Variants in KCTD1 observed in about 807,000 individuals in gnomAD.
KCTD1 encodes BTB/POZ domain-containing protein KCTD1.
KCTD1 carries 24 observed loss-of-function variants against 66.0 expected under a neutral mutation model. The observed-to-expected ratio is 0.36, with a 90% CI of 0.26 to 0.51. The LOEUF (loss-of-function observed/expected upper bound fraction) is 0.51. Ranked by LOEUF, KCTD1 falls within the 20% of genes least tolerant of loss-of-function variation. The pLI is 0.95. For synonymous variants in KCTD1, 511 were observed against 517.2 expected (o/e 0.99, Z 0.16); for missense variants, 943 against 1,205.2 (o/e 0.78, Z 3.22).
At chr18:26,634,021 G>T (rs1360320965), upstream of KCTD1, among the ~76,000 whole-genome samples, 1 of 152,138 alleles carries the variant, frequency 6.6e-6, no homozygotes, top group Non-Finnish European at 1.5e-5. Flanking sequence ...CAACAGCATG[G>T]TTCAATCTCA....
chr18:26,517,823 A>G (rs1328794180), intron 1 of KCTD1, among the ~76,000 whole-genome samples: 1 of 152,254 alleles, frequency 6.6e-6, no homozygotes, highest in African/African-American at 2.4e-5. Flanking sequence ...CAAATTGCCC[A>G]GTCTCAGATA....
intron 1 of KCTD1, among the ~76,000 whole-genome samples, chr18:26,609,335 T>C (rs1277484550): frequency 1.3e-5 from 2 of 152,194 alleles, no homozygotes; most frequent in Non-Finnish European, 2.9e-5. Flanking sequence ...TTCTCCCTAA[T>C]GGGCTGTGAT....
intron 2 of KCTD1, among the ~76,000 whole-genome samples, chr18:26,490,637 A>C (rs2144647952): frequency 6.6e-6 from 1 of 152,302 alleles, no homozygotes; most frequent in East Asian, 1.9e-4. Flanking sequence ...ATAAAGGGAG[A>C]TACTAAGCAA....
At chr18:26,631,878 C>T (rs1242988888), upstream of KCTD1, among the ~76,000 whole-genome samples, 1 of 136,086 alleles carries the variant, frequency 7.3e-6, no homozygotes, top group Non-Finnish European at 1.6e-5. Context: ...GAAACCCCGT[C>T]TCTACTAAAA....
upstream of KCTD1, among the ~76,000 whole-genome samples, chr18:26,644,523 C>G (rs1001654032): frequency 6.6e-6 from 1 of 151,882 alleles, no homozygotes; most frequent in African/African-American, 2.4e-5. Context: ...TTTCAGGAGG[C>G]CAAGGCGGGC....
At chr18:26,634,115 C>G (rs1422900827), upstream of KCTD1, among the ~76,000 whole-genome samples, 1 of 152,098 alleles carries the variant, frequency 6.6e-6, no homozygotes, top group Non-Finnish European at 1.5e-5. Flanking sequence ...ACAGGGAAAA[C>G]TATCTACAGT....
intron 1 of KCTD1, chr18:26,655,610 G>C (rs1326405735): frequency 6.6e-6 from 1 of 152,222 alleles, no homozygotes; most frequent in Non-Finnish European, 1.5e-5. Context: ...GGACAGTTCT[G>C]GTGTGCCATT....
intron 1 of KCTD1, among the ~76,000 whole-genome samples, chr18:26,613,405 C>T (rs1022721424): frequency 6.6e-6 from 1 of 152,170 alleles, no homozygotes; most frequent in South Asian, 2.1e-4. Flanking sequence ...AATGAACAGC[C>T]TGTCACTGCT....
intron 1 of KCTD1, among the ~76,000 whole-genome samples, chr18:26,569,510 C>T (rs1389432370): frequency 2.0e-5 from 3 of 151,138 alleles, no homozygotes; most frequent in Admixed American, 6.6e-5. Context: ...CCGCCCCCGA[C>T]AACACTCTTC....
intron 1 of KCTD1, among the ~76,000 whole-genome samples, chr18:26,560,136 C>T (rs12454484): frequency 0.097 from 11,405 of 117,916 alleles, 626 homozygotes; most frequent in African/African-American, 0.2. Context: ...ACCTTCCCCC[C>T]ACCAGAAAAA....
intron 1 of KCTD1, chr18:26,629,139 T>A: frequency 1.0e-6 from 1 of 981,634 alleles, no homozygotes; most frequent in Non-Finnish European, 1.2e-6. Context: ...GTGGAAGGGT[T>A]TTCTTACTTT....
intron 2 of KCTD1, among the ~76,000 whole-genome samples, chr18:26,495,160 G>A (rs1315266981): frequency 3.3e-5 from 5 of 152,054 alleles, no homozygotes; most frequent in African/African-American, 4.8e-5. Flanking sequence ...GCACGATGAG[G>A]CTGCTGAACC....
chr18:26,516,913 C>T (rs562329392), intron 1 of KCTD1, among the ~76,000 whole-genome samples: 1 of 152,292 alleles, frequency 6.6e-6, no homozygotes, highest in South Asian at 2.1e-4. Flanking sequence ...AAACAAACCC[C>T]ACAATTTCAT....
intron 1 of KCTD1, among the ~76,000 whole-genome samples, chr18:26,593,353 AGG>A: frequency 7.1e-6 from 1 of 140,296 alleles, no homozygotes; most frequent in Non-Finnish European, 1.6e-5. Flanking sequence ...GAAGAGGAGG[AGG>A]AGGAAGAGGA....
At chr18:26,639,310 G>A (rs1987786709) in intron 1 of KCTD1, among the ~76,000 whole-genome samples, 1 of 152,212 alleles carries the variant, frequency 6.6e-6, no homozygotes, top group Non-Finnish European at 1.5e-5. Flanking sequence ...TGCAAGTGAG[G>A]CAGTGGGAGG....
chr18:26,610,390 G>A (rs931250719), intron 1 of KCTD1, among the ~76,000 whole-genome samples: 19 of 152,088 alleles, frequency 1.2e-4, no homozygotes, highest in African/African-American at 4.3e-4. Context: ...CTGGGTAACC[G>A]TGTGAGACCC....
intron 1 of KCTD1, among the ~76,000 whole-genome samples, chr18:26,503,956 TCTC>T (rs1275830365): frequency 6.6e-6 from 1 of 152,178 alleles, no homozygotes. Flanking sequence ...TCCTGGATGT[TCTC>T]CTCTTTCTGC....
intron 1 of KCTD1, among the ~76,000 whole-genome samples, chr18:26,601,692 C>A (rs1986903676): frequency 6.6e-6 from 1 of 152,174 alleles, no homozygotes; most frequent in African/African-American, 2.4e-5. Flanking sequence ...TTTTCTTCAA[C>A]ATAATTTGTA....
chr18:26,542,660 A>T (rs969109191), intron 1 of KCTD1, among the ~76,000 whole-genome samples: 8 of 152,112 alleles, frequency 5.3e-5, no homozygotes, highest in Non-Finnish European at 1.0e-4. Flanking sequence ...CTGCTTGAAA[A>T]CTACTTAGTA....
Sources: allele counts gnomAD v4.1 joint callset (sites outside exome capture counted in the v4.1 genomes callset), GRCh38; gene constraint gnomAD v4.1.1; transcripts MANE v1.5; gene names NCBI Gene and HGNC (gene_info 2026-07-23, HGNC 2026-07-21).